The following ST3GAL1 variants were observed in gnomAD, a reference collection of about 807,000 sequenced individuals.
The protein encoded by ST3GAL1 is CMP-N-acetylneuraminate-beta-galactosamide-alpha-2,3-sialyltransferase 1.
Under a neutral mutation model 34.1 loss-of-function variants are expected in ST3GAL1, and 16 were observed. The observed-to-expected ratio is 0.47, with a 90% CI of 0.32 to 0.71. The LOEUF (loss-of-function observed/expected upper bound fraction) is 0.71. Among genes scored for constraint, ST3GAL1 ranks in the 30% least tolerant of loss-of-function variants. The pLI, the probability that ST3GAL1 is intolerant of heterozygous loss-of-function variation, is 0.04. For synonymous variants in ST3GAL1, 191 were observed against 184.7 expected (o/e 1.03, Z -0.28); for missense variants, 353 against 447.4 (o/e 0.79, Z 1.90).
chr8:133,461,185 C>T lies in ST3GAL1; in HGVS notation c.849+690G>A, dbSNP rs548699957. On this transcript the variant is annotated intron_variant, in intron 9 of 9. Coordinates refer to ENST00000522652, the MANE Select transcript of ST3GAL1 (RefSeq NM_173344.3). The surrounding 1 kb of genome is among the most constrained non-coding windows in gnomAD (Gnocchi z 4.7). ...CTCTGACCCTTTCTGAGATTCCCACCAGGCACCAGGCAGGGTGGGGCTGGG... is the reference window on the plus strand; with the variant it reads ...CTCTGACCCTTTCTGAGATTCCCACTAGGCACCAGGCAGGGTGGGGCTGGG... Among the ~76,000 whole-genome samples the T allele has an allele frequency of 2.0e-5, 3 of 152,234 alleles. No homozygotes were observed. Among genetic ancestry groups the T allele is most frequent in the South Asian group, 2.1e-4 (1 of 4,820 alleles).
rs1819051191 is a variant in ST3GAL1, at chr8:133,556,955, G to A, written c.-581-11029C>T. ...GTCTCGAGCCTTTTATGATGTGCAT[G>A]CATGTGTTAGAAGGAAACATTGTGA... On this transcript the variant is annotated intron_variant, in intron 1 of 9. Coordinates refer to ENST00000522652, the MANE Select transcript of ST3GAL1 (RefSeq NM_173344.3). The surrounding 1 kb of genome is among the most constrained non-coding windows in gnomAD (Gnocchi z 8.9). 6.6e-6 allele frequency among the ~76,000 whole-genome samples: 1 copy of A among 152,174 alleles called. No homozygotes were observed. Among genetic ancestry groups the A allele is most frequent in the Non-Finnish European group, 1.5e-5 (1 of 68,036 alleles).
intron 4 of ST3GAL1, 42 bp downstream of exon 4, chr8:133,476,236 A>T: frequency 2.0e-6 from 1 of 500,408 alleles, no homozygotes; most frequent in South Asian, 4.0e-5. Context: ...GTGGTAGACC[A>T]ACGCCATTCG....
chr8:133,480,404 T>C (rs1816336215), intron 3 of ST3GAL1, among the ~76,000 whole-genome samples: 1 of 152,214 alleles, frequency 6.6e-6, no homozygotes, highest in South Asian at 2.1e-4. Context: ...CACGGGGTTT[T>C]GAACCTGTAG....
chr8:133,517,945 A>G (rs1270554174), intron 2 of ST3GAL1, among the ~76,000 whole-genome samples: 1 of 152,242 alleles, frequency 6.6e-6, no homozygotes, highest in Non-Finnish European at 1.5e-5. Flanking sequence ...ACGATCTCAC[A>G]GAGCTGAGTG....
chr8:133,568,309 G>A (rs1229399989), intron 1 of ST3GAL1, among the ~76,000 whole-genome samples: 1 of 152,206 alleles, frequency 6.6e-6, no homozygotes, highest in Non-Finnish European at 1.5e-5. Context: ...CTGCCACTGG[G>A]ACTCAAATGC....
chr8:133,496,404 C>A (rs942791273), intron 3 of ST3GAL1, among the ~76,000 whole-genome samples: 1 of 152,180 alleles, frequency 6.6e-6, no homozygotes, highest in Non-Finnish European at 1.5e-5. Context: ...TACTGCCCTT[C>A]CTTCCTAGGA....
intron 3 of ST3GAL1, among the ~76,000 whole-genome samples, chr8:133,487,424 A>ATG (rs1203609578): frequency 4.6e-5 from 7 of 151,986 alleles, no homozygotes; most frequent in Non-Finnish European, 7.4e-5. Flanking sequence ...AGAACTGCAT[A>ATG]TGTGTGTGTG....
intron 1 of ST3GAL1, among the ~76,000 whole-genome samples, chr8:133,557,803 G>T (rs1476646193): frequency 6.6e-6 from 1 of 151,926 alleles, no homozygotes. Context: ...AGCTCAGGAG[G>T]CTGAGGCAGG....
intron 5 of ST3GAL1, among the ~76,000 whole-genome samples, chr8:133,472,555 C>G (rs576406839): frequency 1.1e-4 from 16 of 152,378 alleles, no homozygotes; most frequent in Admixed American, 2.0e-4. Flanking sequence ...ATGGCGCAGC[C>G]TGGAGTTCTC....
intron 3 of ST3GAL1, among the ~76,000 whole-genome samples, chr8:133,489,869 C>A (rs557447124): frequency 3.7e-4 from 57 of 152,238 alleles, no homozygotes; most frequent in African/African-American, 1.3e-3. Context: ...CTGACTCCTG[C>A]CGGGCTTAAA....
At chr8:133,488,492 C>T (rs1436387419) in intron 3 of ST3GAL1, 1 of 152,272 alleles carries the variant, frequency 6.6e-6, no homozygotes, top group Non-Finnish European at 1.5e-5. Flanking sequence ...TCAAGTCCTG[C>T]CTGAGATTTC....
rs1185485849 is a variant in ST3GAL1, at chr8:133,467,095, G to GAA, written c.307-1007_307-1006dup. On this transcript the variant is annotated intron_variant, in intron 5 of 9. Coordinates refer to ENST00000522652, the MANE Select transcript of ST3GAL1 (RefSeq NM_173344.3). This position sits in a 1 kb window ranked among gnomAD's most constrained non-coding sequence, Gnocchi z 4.2. ...GGGTGACAGAGCGAGACTCCAACTC[G>GAA]AAAAAAAAAAAAAAAAGACCTAGCT... is the stretch of plus-strand genomic sequence containing the variant. Among the ~76,000 whole-genome samples the GAA allele has an allele frequency of 9.2e-5, 11 of 120,026 alleles. No individual in the cohort carries two copies. Among genetic ancestry groups the GAA allele is most frequent in the Admixed American group, 1.7e-4 (2 of 11,918 alleles). The allele number at this position is 120,026 out of a possible 152,430, so 78.7% of individuals were successfully genotyped here. A position where few individuals can be genotyped will look rare whatever the true frequency, so the allele number is the denominator to read the frequency against.
intron 3 of ST3GAL1, among the ~76,000 whole-genome samples, chr8:133,478,761 A>C (rs987693351): frequency 1.3e-5 from 2 of 152,110 alleles, no homozygotes; most frequent in East Asian, 3.9e-4. Flanking sequence ...CTGGCTCCCT[A>C]GGGTCCTGGC....
intron 3 of ST3GAL1, chr8:133,489,540 ATCGGGAGATTTCATCC>A (rs1357976818): frequency 1.3e-5 from 2 of 152,342 alleles, no homozygotes; most frequent in African/African-American, 4.8e-5. Context: ...GCACTCACCC[ATCGGGAGATTTCATCC>A]TCAGGCTCAT....
At chr8:133,554,112 G>A (rs367746155) in intron 1 of ST3GAL1, among the ~76,000 whole-genome samples, 7 of 152,176 alleles carry the variant, frequency 4.6e-5, no homozygotes, top group African/African-American at 1.7e-4. Flanking sequence ...TCTGTCTTTA[G>A]GGAATAGGAC....
rs184967508 is a variant in ST3GAL1 at position 133,531,323 on chromosome 8, A to G, written c.-429+14451T>C. On this transcript the variant is annotated intron_variant, in intron 2 of 9. Transcript: ENST00000522652. ...TGTGTACATATAAACACATGTATGT[A>G]TATAGTATGTATGTGATATGTGTGT... is the stretch of plus-strand genomic sequence containing the variant. 1.4e-4 allele frequency among the ~76,000 whole-genome samples: 22 copies of G among 152,326 alleles called. No homozygotes were observed. The East Asian group carries it at 4.0e-3, about 28-fold the overall frequency.
In ST3GAL1 at chr8:133,556,924, T is replaced by C. The variant is rs183417294; in HGVS notation, c.-581-10998A>G. ...TTAATGCAGGCAGGGAGACCAGATA[T>C]ACTGGGTCTCGAGCCTTTTATGATG... is the stretch of plus-strand genomic sequence containing the variant. On this transcript the variant is annotated intron_variant, in intron 1 of 9. Coordinates refer to ENST00000522652, the MANE Select transcript of ST3GAL1 (RefSeq NM_173344.3). The surrounding 1 kb of genome is among the most constrained non-coding windows in gnomAD (Gnocchi z 8.9). Among the ~76,000 whole-genome samples the C allele has an allele frequency of 5.3e-5, 8 of 152,220 alleles. No homozygotes were observed. The East Asian group carries it at 7.7e-4, about 15-fold the overall frequency.
chr8:133,541,056 C>CATATATATAGACAT (rs1818497845), intron 2 of ST3GAL1, among the ~76,000 whole-genome samples: 1 of 48,408 alleles, frequency 2.1e-5, no homozygotes, highest in African/African-American at 1.4e-4. Flanking sequence ...TATATATAGA[C>CATATATATAGACAT]ATATATATAT....
At chr8:133,495,618 T>A (rs950341907) in intron 3 of ST3GAL1, among the ~76,000 whole-genome samples, 2 of 152,112 alleles carry the variant, frequency 1.3e-5, no homozygotes, top group Non-Finnish European at 2.9e-5. Flanking sequence ...TGTACCTGGG[T>A]TGGGTTTGCA....
Sources: gnomAD v4.1 joint callset for allele counts (sites outside exome capture counted in the v4.1 genomes callset) on GRCh38, gnomAD v4.1.1 for gene constraint, Gnocchi (gnomAD v3.1) non-coding constraint, MANE v1.5 for transcripts, NCBI Gene and HGNC (gene_info 2026-07-23, HGNC 2026-07-21) for gene names.